The following ANKHD1 variants were observed in gnomAD, a reference collection of about 807,000 sequenced individuals.
The protein encoded by ANKHD1 is ankyrin repeat and KH domain-containing protein 1.
In ANKHD1, 31 loss-of-function variants were observed where a neutral mutation model predicts 230.5. The ratio of observed to expected loss-of-function variants is 0.13; its 90% CI spans 0.10 to 0.18. ANKHD1 has a LOEUF of 0.18. Ranked by LOEUF, ANKHD1 falls within the 10% of genes least tolerant of loss-of-function variation. ANKHD1 has a pLI of 1.00. For missense variants in ANKHD1, 2,256 were observed against 3,071.3 expected (o/e 0.73, Z 6.27); for synonymous variants, 1,074 against 1,117.6 (o/e 0.96, Z 0.78).
At chr5:140,474,131 T>C (rs551610303) in intron 10 of ANKHD1, among the ~76,000 whole-genome samples, 6 of 152,348 alleles carry the variant, frequency 3.9e-5, no homozygotes, top group South Asian at 2.1e-4. Flanking sequence ...CTGTTACTTG[T>C]GATTTTTAGA....
chr5:140,448,657 GTTTAATAT>G (rs1284005261), intron 6 of ANKHD1, among the ~76,000 whole-genome samples: 1 of 152,080 alleles, frequency 6.6e-6, no homozygotes, highest in African/African-American at 2.4e-5. Context: ...GTTTTCATCA[GTTTAATAT>G]TCACTTGCAT....
chr5:140,451,631 C>A (rs545054036), intron 7 of ANKHD1, among the ~76,000 whole-genome samples: 20 of 152,212 alleles, frequency 1.3e-4, no homozygotes, highest in African/African-American at 4.8e-4. Flanking sequence ...CCCTCAGCCT[C>A]CCAAGTAGCT....
intron 7 of ANKHD1, among the ~76,000 whole-genome samples, chr5:140,450,948 T>G (rs1328814646): frequency 6.6e-6 from 1 of 152,030 alleles, no homozygotes; most frequent in Non-Finnish European, 1.5e-5. Context: ...AGGCCAGGAC[T>G]TCAAGACCAG....
rs114345395 is a variant in ANKHD1, at chr5:140,407,613, C to T, written c.306+5340C>T. 3.0e-3 allele frequency among the ~76,000 whole-genome samples: 461 copies of T among 152,184 alleles called. 2 individuals carry two copies. Among genetic ancestry groups the T allele is most frequent in the African/African-American group, 0.011 (444 of 41,528 alleles). On this transcript the variant is annotated intron_variant, in intron 1 of 33. Coordinates refer to ENST00000360839, the MANE Select transcript of ANKHD1 (RefSeq NM_017747.3). Reference sequence around the variant, plus strand: ...AAATGTTGCCCAGGCTAGTCTTGAACTCCTGGCCTCAAGGGATCCTTCTGC... The same window carrying T: ...AAATGTTGCCCAGGCTAGTCTTGAATTCCTGGCCTCAAGGGATCCTTCTGC...
chr5:140,524,622 G>A (rs961918362), intron 25 of ANKHD1, among the ~76,000 whole-genome samples: 5 of 152,148 alleles, frequency 3.3e-5, no homozygotes, highest in Admixed American at 6.6e-5. Flanking sequence ...CAAGGATATA[G>A]AGGCCTGAAA....
At chr5:140,532,205 TAAAAA>T (rs78497065) in intron 29 of ANKHD1, among the ~76,000 whole-genome samples, 29 of 126,662 alleles carry the variant, frequency 2.3e-4, no homozygotes, top group African/African-American at 8.5e-4. Context: ...GACTCTGTCT[TAAAAA>T]AAAAAAAAAA....
chr5:140,518,487 T>A (rs10069605), intron 24 of ANKHD1, among the ~76,000 whole-genome samples: 97,044 of 145,812 alleles, frequency 0.67, 32,691 homozygotes, highest in East Asian at 0.82. Context: ...CACAACCAAA[T>A]AAGAGAATTT....
In ANKHD1 at chr5:140,505,244, G is replaced by A. The variant is rs375649540; in HGVS notation, c.3262+11G>A. ...ACAGAGACAAAAAAGGTAAATATCA[G>A]TCAGAAATAAAATCCAAGTGTAGTT... On this transcript the variant is annotated intron_variant, in intron 17 of 33. Transcript: ENST00000360839. 1 of 1,613,582 alleles carries A rather than the reference G, an allele frequency of 6.2e-7. No homozygotes were observed. The highest frequency in any genetic ancestry group is 1.3e-5 in the African/African-American group (1 of 75,006).
chr5:140,493,502 C>T (rs1046159908), intron 14 of ANKHD1, among the ~76,000 whole-genome samples: 3 of 152,140 alleles, frequency 2.0e-5, no homozygotes, highest in Non-Finnish European at 2.9e-5. Flanking sequence ...TACTTACTAC[C>T]TGTTGAAAAT....
At chr5:140,508,993 G>A (rs1425395900) in intron 20 of ANKHD1, among the ~76,000 whole-genome samples, 1 of 152,006 alleles carries the variant, frequency 6.6e-6, no homozygotes, top group African/African-American at 2.4e-5. Flanking sequence ...AGATTTGACT[G>A]GAAATCTCGT....
chr5:140,406,010 C>T (rs564678588), intron 1 of ANKHD1, among the ~76,000 whole-genome samples: 50 of 151,484 alleles, frequency 3.3e-4, no homozygotes, highest in African/African-American at 1.0e-3. Context: ...GAGGCCAAGG[C>T]GGGTGGATCA....
chr5:140,437,185 G>A (rs1212845145), intron 2 of ANKHD1, among the ~76,000 whole-genome samples: 1 of 152,116 alleles, frequency 6.6e-6, no homozygotes. Context: ...GACAGTTTAT[G>A]TTGATCTTTC....
At chr5:140,463,784 T>C (rs1167777865) in intron 9 of ANKHD1, among the ~76,000 whole-genome samples, 2 of 152,074 alleles carry the variant, frequency 1.3e-5, no homozygotes, top group Admixed American at 1.3e-4. Context: ...GCCTCCCAAG[T>C]AGCTGGGACT....
chr5:140,407,531 A>G (rs749889415), intron 1 of ANKHD1, among the ~76,000 whole-genome samples: 36 of 151,452 alleles, frequency 2.4e-4, no homozygotes, highest in Non-Finnish European at 4.9e-4. Context: ...CAGCCTCCCA[A>G]AGAGCTAGGT....
Position 140,436,104 on chromosome 5 carries a change from G to T in ANKHD1, c.307G>T (p.Val103Phe). The change falls in exon 2 of 34, where the codon GTT becomes TTT. Residue 103 changes from valine (V) to phenylalanine (F), a missense_variant and splice_region_variant. Transcript: ENST00000360839. ...SGSDEDEVSE[V>F]ESFILDQEDL... ...TATTGCATCTTTATTTCATTAACAG[G>T]TTGAATCATTTATTTTGGACCAAGA... The T allele has an allele frequency of 6.4e-7, 1 of 1,552,046 alleles. No individual in the cohort carries two copies.
At chr5:140,429,875 C>T (rs543444537) in intron 1 of ANKHD1, among the ~76,000 whole-genome samples, 1 of 152,212 alleles carries the variant, frequency 6.6e-6, no homozygotes, top group Admixed American at 6.5e-5. Flanking sequence ...TTGGTTAAAT[C>T]ATAGCTGGAT....
Position 140,485,032 on chromosome 5 carries a change from A to G in ANKHD1, c.1871-89A>G. 2.0e-6 allele frequency: 3 copies of G among 1,486,116 alleles called. No homozygotes were observed. The highest frequency in any genetic ancestry group is 2.7e-6 in the Non-Finnish European group (3 of 1,112,620). 92.1% of individuals were successfully genotyped at this position (1,486,116 alleles called of 1,614,324 possible). A position where few individuals can be genotyped will look rare whatever the true frequency, so the allele number is the denominator to read the frequency against. ...TTGTATATTTTTTTGTATCTACATT[A>G]TACTTCACAAAAAATTTTTAAATGA... On this transcript the variant is annotated intron_variant, in intron 11 of 33. Coordinates refer to ENST00000360839, the MANE Select transcript of ANKHD1 (RefSeq NM_017747.3). The surrounding 1 kb of genome is among the most constrained non-coding windows in gnomAD (Gnocchi z 4.8).
At chr5:140,512,052 A>G (rs1426688762) in intron 22 of ANKHD1, among the ~76,000 whole-genome samples, 4 of 152,162 alleles carry the variant, frequency 2.6e-5, no homozygotes, top group South Asian at 2.1e-4. Context: ...CCTGGCCAAC[A>G]TGGTAAATCC....
chr5:140,466,671 C>A (rs758725152), intron 10 of ANKHD1, among the ~76,000 whole-genome samples: 1 of 151,752 alleles, frequency 6.6e-6, no homozygotes, highest in South Asian at 2.1e-4. Context: ...ATAGGCCAGG[C>A]GCAGTGGCTC....
Sources: gnomAD v4.1 joint callset for allele counts (sites outside exome capture counted in the v4.1 genomes callset) on GRCh38, gnomAD v4.1.1 for gene constraint, Gnocchi (gnomAD v3.1) non-coding constraint, MANE v1.5 for transcripts, NCBI Gene and HGNC (gene_info 2026-07-23, HGNC 2026-07-21) for gene names.